Variants in RAG1 observed in about 807,000 individuals in gnomAD.
The protein encoded by RAG1 is recombination activating 1, also known as V(D)J recombination-activating protein 1.
A neutral mutation model predicts 62.7 loss-of-function variants in RAG1; 35 were observed. The ratio of observed to expected loss-of-function variants is 0.56; its 90% CI spans 0.43 to 0.74. RAG1 has a LOEUF of 0.74. RAG1 is among the 30% of genes least tolerant of loss of function. RAG1 has a pLI of 0.00. For missense variants in RAG1, 1,169 were observed against 1,278.6 expected, an observed-to-expected ratio of 0.91 and a Z score of 1.31; for synonymous variants, 461 against 470.3, an observed-to-expected ratio of 0.98 and a Z score of 0.26.
downstream of RAG1, among the ~76,000 whole-genome samples, chr11:36,538,902 C>T (rs140481713): frequency 9.2e-5 from 14 of 152,292 alleles, no homozygotes; most frequent in African/African-American, 3.4e-4. Flanking sequence ...GCTGTCCTGT[C>T]GCTCAGGAAG....
chr11:36,572,338 G>A (rs4151020), intron 1 of RAG1, among the ~76,000 whole-genome samples: 2 of 152,230 alleles, frequency 1.3e-5, no homozygotes, highest in East Asian at 3.9e-4. Flanking sequence ...TTTCTGCATC[G>A]CTAGCGATCT....
upstream of RAG1, chr11:36,510,564 C>G (rs976609921): frequency 6.6e-6 from 1 of 151,350 alleles, no homozygotes; most frequent in African/African-American, 2.4e-5. Flanking sequence ...GTAGTAATCC[C>G]AAACTGCGCT....
chr11:36,558,269 A>C (rs12286152), intron 3 of RAG1, among the ~76,000 whole-genome samples: 1 of 152,160 alleles, frequency 6.6e-6, no homozygotes, highest in African/African-American at 2.4e-5. Context: ...AAAACATTCT[A>C]TAAGTGTCTG....
chr11:36,571,409 C>T (rs570111946), intron 1 of RAG1, among the ~76,000 whole-genome samples: 91 of 152,182 alleles, frequency 6.0e-4, no homozygotes, highest in African/African-American at 2.1e-3. Context: ...GCACCTGCCA[C>T]AGAAGAGAAT....
Position 36,573,414 on chromosome 11 carries a change from C to A in RAG1, c.110C>A (p.Ser37Tyr), listed in dbSNP as rs1362347641. 5.0e-6 allele frequency: 8 copies of A among 1,614,088 alleles called. No individual in the cohort carries two copies. Among genetic ancestry groups the A allele is most frequent in the Non-Finnish European group, 5.1e-6 (6 of 1,180,036 alleles). The part of the protein sequence containing the change: ...EWKFKLFRVR[S>Y]FEKTPEEAQK... ...AAATTTAAGCTGTTCCGGGTGAGATCCTTTGAAAAGACACCTGAAGAAGCT... is the reference window on the plus strand; with the variant it reads ...AAATTTAAGCTGTTCCGGGTGAGATACTTTGAAAAGACACCTGAAGAAGCT... Residue 37 changes from serine (S) to tyrosine (Y), a missense_variant, in exon 2 of 2, where the codon TCC becomes TAC. Physicochemically the swap from Ser to Tyr is moderately radical, Grantham distance 144 (BLOSUM62 -2). This residue lies in a region of RAG1 where 369 missense variants were observed against 335.3 expected (regional missense o/e 1.10). Transcript: ENST00000299440.
At chr11:36,510,761 A>G (rs1417647616) in exon 1 of RAG1, 3 of 152,196 alleles carry the variant, frequency 2.0e-5, no homozygotes, top group Non-Finnish European at 2.9e-5. Context: ...CTTGCCTTAA[A>G]TATTTCTTTG....
At chr11:36,531,916 T>C (rs913853243) in intron 2 of RAG1, among the ~76,000 whole-genome samples, 3 of 152,082 alleles carry the variant, frequency 2.0e-5, no homozygotes, top group Non-Finnish European at 4.4e-5. Flanking sequence ...TAATTTTTTT[T>C]TCCATTTAGC....
At chr11:36,547,646 CA>C (rs1051293658) in intron 3 of RAG1, among the ~76,000 whole-genome samples, 1 of 151,950 alleles carries the variant, frequency 6.6e-6, no homozygotes, top group African/African-American at 2.4e-5. Flanking sequence ...GCCTACCAAC[CA>C]AAAAAAGTCC....
At chr11:36,529,462 C>A (rs933711650) in intron 2 of RAG1, among the ~76,000 whole-genome samples, 12 of 152,300 alleles carry the variant, frequency 7.9e-5, no homozygotes, top group Admixed American at 3.3e-4. Context: ...GCTAAAAATT[C>A]TCAATAAACT....
chr11:36,520,388 C>G (rs1400733689), intron 2 of RAG1, among the ~76,000 whole-genome samples: 2 of 152,152 alleles, frequency 1.3e-5, no homozygotes, highest in Admixed American at 1.3e-4. Context: ...CCCGTCTCAG[C>G]CTCCCGAGTA....
intron 3 of RAG1, among the ~76,000 whole-genome samples, chr11:36,544,626 CAAT>C (rs1198403796): frequency 6.6e-6 from 1 of 152,176 alleles, no homozygotes; most frequent in Admixed American, 6.5e-5. Flanking sequence ...TTCCCACTAA[CAAT>C]AACTCTTGAA....
At chr11:36,563,025 T>G (rs373007174), upstream of RAG1, among the ~76,000 whole-genome samples, 1 of 152,180 alleles carries the variant, frequency 6.6e-6, no homozygotes, top group African/African-American at 2.4e-5. Flanking sequence ...GGTGTCTCTG[T>G]GTGTATGTCC....
intron 1 of RAG1, among the ~76,000 whole-genome samples, chr11:36,517,442 C>T (rs968520470): frequency 6.6e-6 from 1 of 152,014 alleles, no homozygotes; most frequent in Non-Finnish European, 1.5e-5. Flanking sequence ...GCAGAGTCAG[C>T]CTACAATGAG....
chr11:36,537,132 T>C (rs565381768), downstream of RAG1, among the ~76,000 whole-genome samples: 2 of 152,174 alleles, frequency 1.3e-5, no homozygotes, highest in Non-Finnish European at 2.9e-5. Context: ...TTCCTAACTT[T>C]AGTAGAAATA....
intron 1 of RAG1, among the ~76,000 whole-genome samples, chr11:36,513,975 C>A (rs567021094): frequency 1.3e-5 from 2 of 152,142 alleles, no homozygotes; most frequent in Non-Finnish European, 2.9e-5. Context: ...GTGGAAATGA[C>A]GGAATGTGCC....
intron 3 of RAG1, among the ~76,000 whole-genome samples, chr11:36,562,889 A>G (rs1850609837): frequency 6.6e-6 from 1 of 152,118 alleles, no homozygotes; most frequent in Admixed American, 6.5e-5. Context: ...CTCAATCTCC[A>G]TAATTGTGTG....
Position 36,573,377 on chromosome 11 carries a change from T to C in RAG1, c.73T>C (p.Phe25Leu). The C allele has an allele frequency of 6.2e-7, 1 of 1,614,154 alleles. No individual in the cohort carries two copies. The highest frequency in any genetic ancestry group is 8.5e-7 in the Non-Finnish European group (1 of 1,180,024). ...PDEIQHPHIK[F>L]SEWKFKLFRV... ...TGAAATTCAGCACCCACATATTAAA[T>C]TTTCAGAATGGAAATTTAAGCTGTT... The change falls in exon 2 of 2, where the codon TTT becomes CTT. Residue 25 changes from phenylalanine (F) to leucine (L), a missense_variant. By Grantham distance (22) the Phe-to-Leu change is conservative. Transcript: ENST00000299440.
Position 36,576,719 on chromosome 11 carries a change from G to A in RAG1, c.*283G>A. The A allele has an allele frequency of 2.2e-6, 1 of 449,898 alleles. No individual in the cohort carries two copies. Among genetic ancestry groups the A allele is most frequent in the Non-Finnish European group, 4.2e-6 (1 of 236,830 alleles). 27.9% of individuals were successfully genotyped at this position (449,898 alleles called of 1,614,324 possible). A position where few individuals can be genotyped will look rare whatever the true frequency, so the allele number is the denominator to read the frequency against. On this transcript the variant is annotated 3_prime_UTR_variant, in exon 2 of 2. Transcript: ENST00000299440. The stretch of plus-strand genomic sequence containing the variant: ...CTGCAGGGGACCAGAGATGAGCAAA[G>A]ATCTGTGTGTGTTGGGGAGCTGTCA...
chr11:36,543,546 C>G (rs1235248156), intron 3 of RAG1, among the ~76,000 whole-genome samples: 1 of 152,214 alleles, frequency 6.6e-6, no homozygotes, highest in Admixed American at 6.5e-5. Flanking sequence ...CTGCTCTTGA[C>G]TGAGTTAGAA....
Sources: gnomAD v4.1 joint callset for allele counts (sites outside exome capture counted in the v4.1 genomes callset) on GRCh38, gnomAD v4.1.1 for gene constraint, gnomAD v4.1.1 regional missense constraint, MANE v1.5 for transcripts, NCBI Gene and HGNC (gene_info 2026-07-23, HGNC 2026-07-21) for gene names.